C2CD5: variants seen among roughly 807,000 people sequenced by gnomAD.
C2CD5 encodes the protein C2 calcium dependent domain containing 5, also known as C2 domain-containing protein 5.
Under a neutral mutation model 130.3 loss-of-function variants are expected in C2CD5, and 109 were observed. The observed-to-expected ratio is 0.84, with a 90% CI of 0.72 to 0.98. The LOEUF is 0.98. Ranked by LOEUF, C2CD5 falls within the 50% of genes least tolerant of loss-of-function variation. The pLI, the probability that C2CD5 is intolerant of heterozygous loss-of-function variation, is 0.00. For missense variants in C2CD5, 996 were observed against 1,261.8 expected (o/e 0.79, Z 3.19); for synonymous variants, 454 against 429.2 (o/e 1.06, Z -0.71).
chr12:22,526,245 G>T (rs1382917454), intron 4 of C2CD5, among the ~76,000 whole-genome samples: 1 of 152,090 alleles, frequency 6.6e-6, no homozygotes, highest in African/African-American at 2.4e-5. Context: ...AGACTAATTA[G>T]AAAGGAGTCC....
At position 22,482,558 on chromosome 12, in the gene C2CD5, G is replaced by A. The variant is rs1208517545; in HGVS notation, c.1736C>T (p.Ala579Val). The change falls in exon 14 of 27, where the codon GCG becomes GTG. Residue 579 changes from alanine (A) to valine (V), a missense_variant and splice_region_variant. Around this residue, in one of 9 missense-constraint regions of C2CD5, gnomAD observed 590 missense variants for 631.4 expected, o/e 0.93. Transcript: ENST00000446597. ...TVGENMLMGL[A>V]SATGVYLAAL... ...AAAACCAAAAACATCTAAACTTACC[G>A]CTAAGCCCATCAACATATTTTCACC... 9.3e-6 allele frequency: 15 copies of A among 1,611,926 alleles called. No individual in the cohort carries two copies. The highest frequency in any genetic ancestry group is 4.4e-5 in the South Asian group (4 of 90,996).
chr12:22,458,811 A>T, intron 23 of C2CD5: 1 of 306,970 alleles, frequency 3.3e-6, no homozygotes, highest in Non-Finnish European at 6.0e-6. Flanking sequence ...TGGTGATGTC[A>T]TAGTTGTGTG....
Position 22,518,983 on chromosome 12 carries a change from C to A in C2CD5, c.801-846G>T, listed in dbSNP as rs1950024954. 8.5e-6 allele frequency: 6 copies of A among 709,612 alleles called. No homozygotes were observed. The South Asian group carries it at 1.4e-4, about 16-fold the overall frequency. The allele number at this position is 709,612 out of a possible 1,614,324, so 44.0% of individuals were successfully genotyped here. A position where few individuals can be genotyped will look rare whatever the true frequency, so the allele number is the denominator to read the frequency against. ...TAAATACAGAAGTTCCTCACTGCAG[C>A]TGGACTTCGAGTAAGAAAAGGATGA... On this transcript the variant is annotated intron_variant, in intron 7 of 26. Transcript: ENST00000446597.
intron 16 of C2CD5, among the ~76,000 whole-genome samples, chr12:22,473,508 A>G (rs1473577700): frequency 6.6e-6 from 1 of 152,066 alleles, no homozygotes; most frequent in African/African-American, 2.4e-5. Flanking sequence ...TTCTCCAACT[A>G]CAGTCCTGTC....
intron 15 of C2CD5, chr12:22,478,011 TCACACACA>T (rs543658384): frequency 3.5e-6 from 1 of 283,870 alleles, no homozygotes; most frequent in South Asian, 3.9e-5. Context: ...ACACACACAC[TCACACACA>T]CACACACACT....
chr12:22,515,737 C>T (rs1188657166), intron 8 of C2CD5, among the ~76,000 whole-genome samples: 1 of 151,890 alleles, frequency 6.6e-6, no homozygotes, highest in Non-Finnish European at 1.5e-5. Context: ...TCTTTTTCCT[C>T]TAAAATGTTT....
At chr12:22,530,593 G>A (rs549734243) in intron 3 of C2CD5, among the ~76,000 whole-genome samples, 2 of 151,800 alleles carry the variant, frequency 1.3e-5, no homozygotes, top group Non-Finnish European at 2.9e-5. Flanking sequence ...ACATAGCTGG[G>A]ATTACAGGTT....
At position 22,533,909 on chromosome 12, in the gene C2CD5, C is replaced by T. The variant is rs540015711; in HGVS notation, c.177+1349G>A. On this transcript the variant is annotated intron_variant, in intron 3 of 26. Transcript: ENST00000446597. ...ACATACATGAATGAAGTTGGGGCCACGTGTGGTGGCTAACGCCTGTAATCC... is the reference window on the plus strand; with the variant it reads ...ACATACATGAATGAAGTTGGGGCCATGTGTGGTGGCTAACGCCTGTAATCC... Among the ~76,000 whole-genome samples, 31 of 152,270 alleles carry T rather than the reference C, an allele frequency of 2.0e-4. 1 individual carries two copies. Among genetic ancestry groups the T allele is most frequent in the African/African-American group, 6.7e-4 (28 of 41,554 alleles).
chr12:22,519,295 G>T (rs959975259), intron 7 of C2CD5: 73 of 1,427,996 alleles, frequency 5.1e-5, no homozygotes, highest in Non-Finnish European at 6.8e-5. Flanking sequence ...ACAACAGATT[G>T]CAGAGTTATG....
chr12:22,483,245 T>C (rs1944983383), intron 13 of C2CD5, among the ~76,000 whole-genome samples: 2 of 152,032 alleles, frequency 1.3e-5, no homozygotes, highest in Admixed American at 1.3e-4. Flanking sequence ...TCTCTAAAAA[T>C]GAAATAATGA....
chr12:22,532,877 A>G (rs1951436511), intron 3 of C2CD5, among the ~76,000 whole-genome samples: 1 of 152,348 alleles, frequency 6.6e-6, no homozygotes, highest in African/African-American at 2.4e-5. Context: ...ATGCTGCCCA[A>G]TATAAGGGCC....
chr12:22,480,330 C>T (rs1471660244), intron 14 of C2CD5, among the ~76,000 whole-genome samples: 2 of 152,180 alleles, frequency 1.3e-5, no homozygotes, highest in Non-Finnish European at 2.9e-5. Flanking sequence ...GATAATATCA[C>T]ATTCCTTCTA....
chr12:22,457,476 T>C (rs1334237138), intron 24 of C2CD5, among the ~76,000 whole-genome samples: 3 of 152,164 alleles, frequency 2.0e-5, no homozygotes, highest in African/African-American at 4.8e-5. Flanking sequence ...GCATTAAAAT[T>C]ATCTGCTGTA....
chr12:22,528,827 T>C (rs1457168170), intron 3 of C2CD5, among the ~76,000 whole-genome samples: 1 of 152,148 alleles, frequency 6.6e-6, no homozygotes, highest in Non-Finnish European at 1.5e-5. Context: ...TAAACTTGGA[T>C]ATGAAACATT....
At chr12:22,468,392 A>G (rs2136137813) in intron 22 of C2CD5, among the ~76,000 whole-genome samples, 1 of 151,952 alleles carries the variant, frequency 6.6e-6, no homozygotes, top group East Asian at 1.9e-4. Context: ...CTCATTATTT[A>G]TTTTTTGTAG....
intron 10 of C2CD5, among the ~76,000 whole-genome samples, chr12:22,500,602 A>G (rs1947645157): frequency 6.6e-6 from 1 of 152,190 alleles, no homozygotes; most frequent in South Asian, 2.1e-4. Context: ...TCCTCCAAGA[A>G]TATGAGCTTC....
At chr12:22,523,680 A>C (rs1950468347) in intron 6 of C2CD5, 56 bp from the exon 7 acceptor site, 2 of 1,328,428 alleles carry the variant, frequency 1.5e-6, no homozygotes, top group Admixed American at 1.7e-5. Flanking sequence ...ACATACTATA[A>C]GACTGGACAT....
At chr12:22,541,583 CAT>C (rs1952389120) in intron 2 of C2CD5, among the ~76,000 whole-genome samples, 1 of 152,184 alleles carries the variant, frequency 6.6e-6, no homozygotes, top group African/African-American at 2.4e-5. Flanking sequence ...CAAATCTCTA[CAT>C]GAGATCTCCG....
intron 7 of C2CD5, among the ~76,000 whole-genome samples, chr12:22,521,991 G>A (rs1950309564): frequency 6.6e-6 from 1 of 152,092 alleles, no homozygotes; most frequent in Non-Finnish European, 1.5e-5. Context: ...GATTATCTAG[G>A]ACAGGAGTCC....
Sources: gnomAD v4.1 joint callset for allele counts (sites outside exome capture counted in the v4.1 genomes callset) on GRCh38, gnomAD v4.1.1 for gene constraint, gnomAD v4.1.1 regional missense constraint, MANE v1.5 for transcripts, NCBI Gene and HGNC (gene_info 2026-07-23, HGNC 2026-07-21) for gene names.